The following CDH8 variants were observed in gnomAD, a reference collection of about 807,000 sequenced individuals.
The protein encoded by CDH8 is cadherin-8.
Under a neutral mutation model 68.1 loss-of-function variants are expected in CDH8, and 17 were observed. The ratio of observed to expected loss-of-function variants is 0.25; its 90% confidence interval spans 0.17 to 0.37. The LOEUF (loss-of-function observed/expected upper bound fraction) is 0.37, where lower values mean the gene tolerates loss of function less well. Among genes scored for constraint, CDH8 ranks in the 10% least tolerant of loss-of-function variants. CDH8 has a pLI of 1.00. For synonymous variants in CDH8, 372 were observed against 365.1 expected (o/e 1.02, Z -0.21); for missense variants, 763 against 999.3 (o/e 0.76, Z 3.19).
intron 2 of CDH8, among the ~76,000 whole-genome samples, chr16:61,994,803 C>T (rs1251234179): frequency 2.0e-5 from 3 of 152,180 alleles, no homozygotes. Flanking sequence ...AGAACCACTG[C>T]AAGAGAACAT....
chr16:61,828,250 C>T (rs764002174), intron 4 of CDH8, among the ~76,000 whole-genome samples: 11 of 151,796 alleles, frequency 7.2e-5, no homozygotes, highest in Non-Finnish European at 1.6e-4. Context: ...ATATGGTCTA[C>T]GAAAGGGGAG....
At chr16:61,838,002 T>A (rs1962604318) in intron 4 of CDH8, among the ~76,000 whole-genome samples, 1 of 151,814 alleles carries the variant, frequency 6.6e-6, no homozygotes, top group Non-Finnish European at 1.5e-5. Flanking sequence ...TAATAGAGAG[T>A]TACTAAACAG....
At chr16:61,928,422 G>A (rs1964488676) in intron 2 of CDH8, among the ~76,000 whole-genome samples, 1 of 152,184 alleles carries the variant, frequency 6.6e-6, no homozygotes, top group Admixed American at 6.5e-5. Context: ...TAAGACATGA[G>A]ATAAGAAAGC....
chr16:61,908,042 CAAAAA>C (rs547459147), intron 2 of CDH8, among the ~76,000 whole-genome samples: 6 of 91,604 alleles, frequency 6.5e-5, no homozygotes, highest in Admixed American at 1.1e-4. Context: ...GACTCAGTCT[CAAAAA>C]AAAAAAAAAA....
chr16:61,885,933 G>T (rs1346947903), intron 3 of CDH8, among the ~76,000 whole-genome samples: 1 of 152,142 alleles, frequency 6.6e-6, no homozygotes, highest in African/African-American at 2.4e-5. Flanking sequence ...ATAAATGGAT[G>T]GAAGAGTGAC....
intron 10 of CDH8, among the ~76,000 whole-genome samples, chr16:61,698,490 A>C (rs1293212041): frequency 1.3e-5 from 2 of 152,182 alleles, no homozygotes; most frequent in African/African-American, 4.8e-5. Flanking sequence ...CACAGCTGTG[A>C]CAGACCATGC....
At chr16:61,766,374 T>C in intron 8 of CDH8, among the ~76,000 whole-genome samples, 1 of 152,018 alleles carries the variant, frequency 6.6e-6, no homozygotes, top group East Asian at 1.9e-4. Context: ...CTACATTTTC[T>C]TTATCCATTC....
At chr16:61,801,618 G>A (rs1045502452) in intron 7 of CDH8, among the ~76,000 whole-genome samples, 5 of 152,184 alleles carry the variant, frequency 3.3e-5, no homozygotes, top group Admixed American at 2.6e-4. Flanking sequence ...TGCACCATGC[G>A]CGAGCCAAAG....
At chr16:61,790,014 G>A (rs1482039567) in intron 7 of CDH8, among the ~76,000 whole-genome samples, 1 of 151,628 alleles carries the variant, frequency 6.6e-6, no homozygotes, top group Non-Finnish European at 1.5e-5. Context: ...TGTGTATTTA[G>A]GTTTTCTATT....
Position 61,653,707 on chromosome 16 carries a change from T to C in CDH8, c.2301A>G (p.Ser767=). 1 of 1,614,184 alleles carries C rather than the reference T, an allele frequency of 6.2e-7. No individual in the cohort carries two copies. Among genetic ancestry groups the C allele is most frequent in the East Asian group, 2.2e-5 (1 of 44,864 alleles). Residue 767 remains serine, a synonymous_variant, in exon 12 of 12, where the codon TCA becomes TCG. Transcript: ENST00000577390. The part of the protein sequence containing the change: ...GSLSSLESTT[S]DSDQNFDYLS... ...GGTAGTCAAAATTCTGGTCTGAGTC[T>C]GATGTGGTGGACTCCAAGGAGCTGA...
At chr16:62,001,072 T>G (rs1965885994) in intron 2 of CDH8, among the ~76,000 whole-genome samples, 1 of 152,172 alleles carries the variant, frequency 6.6e-6, no homozygotes, top group African/African-American at 2.4e-5. Flanking sequence ...AGAAAATATT[T>G]GGGACTCATT....
intron 2 of CDH8, among the ~76,000 whole-genome samples, chr16:61,921,208 A>C (rs936214003): frequency 6.6e-6 from 1 of 151,478 alleles, no homozygotes; most frequent in African/African-American, 2.4e-5. Flanking sequence ...TACATATGTA[A>C]CTAACCTGCA....
intron 2 of CDH8, among the ~76,000 whole-genome samples, chr16:61,992,050 T>TTGTGTGTGTG (rs11271459): frequency 0.023 from 3,267 of 144,278 alleles, 49 homozygotes; most frequent in Non-Finnish European, 0.034. Context: ...TGCTAAATCT[T>TTGTGTGTGTG]TGTGTGTGTG....
At chr16:62,013,549 C>T (rs1298644976) in intron 2 of CDH8, among the ~76,000 whole-genome samples, 1 of 152,132 alleles carries the variant, frequency 6.6e-6, no homozygotes, top group East Asian at 1.9e-4. Flanking sequence ...ATGCCAGGCA[C>T]TCTGACTGTA....
intron 3 of CDH8, among the ~76,000 whole-genome samples, chr16:61,859,503 G>A (rs1597023270): frequency 1.3e-5 from 2 of 152,172 alleles, no homozygotes; most frequent in South Asian, 2.1e-4. Flanking sequence ...TTCAGTTAAA[G>A]AGCAAACCCA....
chr16:61,774,088 T>C (rs1446642106), intron 8 of CDH8, among the ~76,000 whole-genome samples: 1 of 152,074 alleles, frequency 6.6e-6, no homozygotes, highest in Non-Finnish European at 1.5e-5. Context: ...TCAGAAAACA[T>C]GCTGCATTTT....
intron 7 of CDH8, among the ~76,000 whole-genome samples, chr16:61,801,732 C>T (rs1408759557): frequency 1.3e-5 from 2 of 152,186 alleles, no homozygotes; most frequent in African/African-American, 4.8e-5. Flanking sequence ...CGGGTCACTC[C>T]CACCCGAATA....
chr16:61,810,881 G>T (rs911400151), intron 7 of CDH8, among the ~76,000 whole-genome samples: 7 of 151,936 alleles, frequency 4.6e-5, no homozygotes, highest in Admixed American at 4.6e-4. Context: ...AAAATTAGCC[G>T]GGTATGGTGG....
At chr16:61,897,394 A>G (rs1489772445) in intron 3 of CDH8, among the ~76,000 whole-genome samples, 1 of 152,180 alleles carries the variant, frequency 6.6e-6, no homozygotes, top group Non-Finnish European at 1.5e-5. Context: ...CTGGGATTAC[A>G]GGCATATGCC....
Sources: gnomAD v4.1 joint callset for allele counts (sites outside exome capture counted in the v4.1 genomes callset) on GRCh38, gnomAD v4.1.1 for gene constraint, MANE v1.5 for transcripts, NCBI Gene and HGNC (gene_info 2026-07-23, HGNC 2026-07-21) for gene names.